The following CAMSAP1 variants were observed in gnomAD, a reference collection of about 807,000 sequenced individuals.
CAMSAP1 encodes calmodulin regulated spectrin associated protein 1, also known as calmodulin-regulated spectrin-associated protein 1.
In CAMSAP1, 58 loss-of-function variants were observed where a neutral mutation model predicts 143.5. That is an observed-to-expected ratio of 0.40 (90% confidence interval 0.33 to 0.50). The LOEUF (loss-of-function observed/expected upper bound fraction) is 0.50, where lower values mean the gene tolerates loss of function less well. Ranked by LOEUF, CAMSAP1 falls within the 20% of genes least tolerant of loss-of-function variation. The probability of loss-of-function intolerance (pLI) is 0.45; values close to 1 mark genes in which losing one functional copy is unlikely to be tolerated. For synonymous variants in CAMSAP1, 945 were observed against 859.3 expected (o/e 1.10, Z -1.74); for missense variants, 1,969 against 2,115.7 (o/e 0.93, Z 1.36).
At position 135,811,707 on chromosome 9, in the gene CAMSAP1, C is replaced by T. The variant is rs908576293; in HGVS notation, c.4507-96G>A. The T allele has an allele frequency of 6.9e-5, 83 of 1,211,386 alleles. No homozygotes were observed. In the Middle Eastern group the frequency reaches 1.1e-3, roughly 15 times the overall value. 75.0% of individuals were successfully genotyped at this position (1,211,386 alleles called of 1,614,324 possible). ...CACAGCGGCTCAACCAGCACCGCTCCGTGGGAAGCTCTCCCACCCGTCAGC... is the reference window on the plus strand; with the variant it reads ...CACAGCGGCTCAACCAGCACCGCTCTGTGGGAAGCTCTCCCACCCGTCAGC... On this transcript the variant is annotated intron_variant, in intron 16 of 16. Transcript: ENST00000389532. This position sits in a 1 kb window ranked among gnomAD's most constrained non-coding sequence, Gnocchi z 4.9.
chr9:135,826,676 C>T lies in CAMSAP1; in HGVS notation c.1223+731G>A, dbSNP rs896886792. On this transcript the variant is annotated intron_variant, in intron 8 of 16. Transcript: ENST00000389532. This position sits in a 1 kb window ranked among gnomAD's most constrained non-coding sequence, Gnocchi z 4.4. ...TAAATAGCGTCTTCATCTTAAATCC[C>T]AACTTAAATCGCCACATGTTAAAAA... 2.0e-5 allele frequency among the ~76,000 whole-genome samples: 3 copies of T among 152,164 alleles called. No homozygotes were observed. Among genetic ancestry groups the T allele is most frequent in the Admixed American group, 1.3e-4 (2 of 15,270 alleles).
intron 1 of CAMSAP1, among the ~76,000 whole-genome samples, chr9:135,898,202 G>A (rs1329273522): frequency 1.3e-5 from 2 of 152,138 alleles, no homozygotes; most frequent in Non-Finnish European, 2.9e-5. Flanking sequence ...CTCCTGGGAT[G>A]GAATGATCTG....
chr9:135,837,868 C>G (rs546499802), intron 7 of CAMSAP1, among the ~76,000 whole-genome samples: 1 of 151,364 alleles, frequency 6.6e-6, no homozygotes, highest in Non-Finnish European at 1.5e-5. Flanking sequence ...TACAGACACA[C>G]GTCATCACGC....
At chr9:135,828,429 C>A (rs775210297) in intron 7 of CAMSAP1, among the ~76,000 whole-genome samples, 1 of 152,222 alleles carries the variant, frequency 6.6e-6, no homozygotes, top group Non-Finnish European at 1.5e-5. Flanking sequence ...TAAGAGGCAG[C>A]AACATGTGAC....
intron 7 of CAMSAP1, among the ~76,000 whole-genome samples, chr9:135,847,957 G>GGGGAGGGGGAGA (rs1352441450): frequency 2.5e-5 from 1 of 40,554 alleles, no homozygotes; most frequent in Admixed American, 2.6e-4. Flanking sequence ...GGGGGGGGAG[G>GGGGAGGGGGAGA]GGGAGGAGTG....
At position 135,906,981 on chromosome 9, in the gene CAMSAP1, C is replaced by T; in HGVS notation, c.160+19G>A. The stretch of plus-strand genomic sequence containing the variant: ...GCCCGCGCCCCTGGCCCCCGCCCCG[C>T]GCCCCTCACCCGGCCCACCTCGGCC... On this transcript the variant is annotated intron_variant, in intron 1 of 16. Transcript: ENST00000389532. 9.4e-7 allele frequency: 1 copy of T among 1,059,612 alleles called. No homozygotes were observed. Among genetic ancestry groups the T allele is most frequent in the Non-Finnish European group, 1.1e-6 (1 of 877,558 alleles). The allele number at this position is 1,059,612 out of a possible 1,614,324, so 65.6% of individuals were successfully genotyped here. A position where few individuals can be genotyped will look rare whatever the true frequency, so the allele number is the denominator to read the frequency against.
chr9:135,852,685 G>A (rs188419497), intron 5 of CAMSAP1, among the ~76,000 whole-genome samples: 104 of 152,182 alleles, frequency 6.8e-4, no homozygotes, highest in African/African-American at 2.1e-3. Context: ...TGACTGCCCC[G>A]GAACCAAAAC....
At chr9:135,901,205 C>A (rs1182693018) in intron 1 of CAMSAP1, among the ~76,000 whole-genome samples, 1 of 152,230 alleles carries the variant, frequency 6.6e-6, no homozygotes, top group Non-Finnish European at 1.5e-5. Context: ...TTAGCCACCT[C>A]CCACAGCCAC....
At position 135,820,115 on chromosome 9, in the gene CAMSAP1, C is replaced by G. The variant is rs899626918; in HGVS notation, c.3822+724G>C. Among the ~76,000 whole-genome samples the G allele has an allele frequency of 6.6e-5, 10 of 152,204 alleles. No individual in the cohort carries two copies. The highest frequency in any genetic ancestry group is 1.9e-4 in the African/African-American group (8 of 41,442). On this transcript the variant is annotated intron_variant, in intron 11 of 16. Coordinates refer to ENST00000389532, the MANE Select transcript of CAMSAP1 (RefSeq NM_015447.4). The surrounding 1 kb of genome is among the most constrained non-coding windows in gnomAD (Gnocchi z 4.4). ...CGCACACCTGGATGGCAGCGCCCCC[C>G]ACAGGCCTCGGCTACATCAGCCACT...
intron 7 of CAMSAP1, chr9:135,836,841 C>T (rs59528297): frequency 6.1e-6 from 6 of 982,826 alleles, no homozygotes; most frequent in South Asian, 4.7e-5. Flanking sequence ...ACACTTCTAC[C>T]GACACACATC....
rs962428110 is a variant in CAMSAP1, at chr9:135,810,469, G to C, written c.*840C>G. On this transcript the variant is annotated 3_prime_UTR_variant, in exon 17 of 17. Transcript: ENST00000389532. The stretch of plus-strand genomic sequence containing the variant: ...CTTTATTAAAGTGAACAAACCATTA[G>C]AGCACTACCCAAAACTTAATGAATG... 6.6e-6 allele frequency: 1 copy of C among 152,510 alleles called. No homozygotes were observed. The highest frequency in any genetic ancestry group is 2.4e-5 in the African/African-American group (1 of 41,418). The allele number at this position is 152,510 out of a possible 1,614,324, so 9.4% of individuals were successfully genotyped here.
rs764039971 is a variant in CAMSAP1, at chr9:135,822,801, C to G, written c.1860G>C (p.Pro620=). 2 of 1,613,944 alleles carry G rather than the reference C, an allele frequency of 1.2e-6. No homozygotes were observed. Among genetic ancestry groups the G allele is most frequent in the South Asian group, 1.1e-5 (1 of 91,080 alleles). ...TKEDERGEGR[P]RSIVSRRPSE... is the part of the protein sequence containing the mutation. ...TGGGCCTCCTAGACACGATGCTCCT[C>G]GGTCTCCCTTCCCCCCGTTCATCCT... Residue 620 remains proline, a synonymous_variant, in exon 11 of 17, where the codon CCG becomes CCC. Coordinates refer to ENST00000389532, the MANE Select transcript of CAMSAP1 (RefSeq NM_015447.4). The surrounding 1 kb of genome is among the most constrained non-coding windows in gnomAD (Gnocchi z 6.1).
intron 5 of CAMSAP1, among the ~76,000 whole-genome samples, chr9:135,856,242 CCAT>C (rs1836965861): frequency 6.6e-6 from 1 of 152,144 alleles, no homozygotes; most frequent in Non-Finnish European, 1.5e-5. Context: ...GGAGGCCTCA[CCAT>C]CATGGCGGAA....
chr9:135,849,366 C>A (rs1836689837), intron 7 of CAMSAP1, among the ~76,000 whole-genome samples: 1 of 152,218 alleles, frequency 6.6e-6, no homozygotes, highest in Non-Finnish European at 1.5e-5. Context: ...CACGGTGAAG[C>A]TGAAAAATCT....
chr9:135,819,365 C>A (rs1220612048), intron 11 of CAMSAP1, among the ~76,000 whole-genome samples: 1 of 152,188 alleles, frequency 6.6e-6, no homozygotes, highest in East Asian at 1.9e-4. Context: ...AAACATCTCA[C>A]GAGATCCAGT....
chr9:135,841,749 A>G (rs1371246874), intron 7 of CAMSAP1, among the ~76,000 whole-genome samples: 1 of 152,244 alleles, frequency 6.6e-6, no homozygotes, highest in Non-Finnish European at 1.5e-5. Context: ...GCAGACCTGC[A>G]GCAGAGGGAC....
At chr9:135,848,977 C>CA (rs1836674711) in intron 7 of CAMSAP1, among the ~76,000 whole-genome samples, 2 of 152,256 alleles carry the variant, frequency 1.3e-5, no homozygotes, top group Non-Finnish European at 2.9e-5. Flanking sequence ...GGTGCACTCT[C>CA]AGACACTGCC....
Position 135,822,971 on chromosome 9 carries a change from G to A in CAMSAP1, c.1690C>T (p.Pro564Ser), listed in dbSNP as rs993427703. The A allele has an allele frequency of 6.2e-6, 10 of 1,613,892 alleles. No homozygotes were observed. The Admixed American group carries it at 8.3e-5, about 13-fold the overall frequency. ...TTTGCTGTAAGGCCTAAGGCCCGGGGTGAGGCCCTGGGGAACTCCGGGTCA... is the reference window on the plus strand; with the variant it reads ...TTTGCTGTAAGGCCTAAGGCCCGGGATGAGGCCCTGGGGAACTCCGGGTCA... ...QADPEFPRAS[P>S]RALGLTANAR... is the part of the protein sequence containing the mutation. Residue 564 changes from proline (P) to serine (S), a missense_variant, in exon 11 of 17, where the codon CCC becomes TCC. By Grantham distance (74) the Pro-to-Ser change is moderately conservative (BLOSUM62 -1). Transcript: ENST00000389532. This position sits in a 1 kb window ranked among gnomAD's most constrained non-coding sequence, Gnocchi z 6.1.
chr9:135,904,248 A>G (rs1439180775), intron 1 of CAMSAP1, among the ~76,000 whole-genome samples: 3 of 151,992 alleles, frequency 2.0e-5, no homozygotes, highest in African/African-American at 7.3e-5. Context: ...AAAAAATACA[A>G]AAGTTAGCCA....
Sources: allele counts gnomAD v4.1 joint callset (sites outside exome capture counted in the v4.1 genomes callset), GRCh38; gene constraint gnomAD v4.1.1; non-coding constraint Gnocchi (gnomAD v3.1); transcripts MANE v1.5; gene names NCBI Gene and HGNC (gene_info 2026-07-23, HGNC 2026-07-21).